The following NHERF4 variants were observed in gnomAD, a reference collection of about 807,000 sequenced individuals.
NHERF4 encodes the protein Na(+)/H(+) exchange regulatory cofactor NHE-RF4.
At chr11:119,189,580 A>T in the NHERF4 span, 1 of 1,462,170 alleles carries the variant, frequency 6.8e-7, no homozygotes, top group Non-Finnish European at 9.6e-7. This position sits in a 1 kb window ranked among gnomAD's most constrained non-coding sequence, Gnocchi z 5.8. Context: ...GCTCTCTCTA[A>T]GCCAGACCAG....
the NHERF4 span, chr11:119,189,310 A>G: frequency 1.0e-5 from 15 of 1,488,732 alleles, no homozygotes; most frequent in Admixed American, 1.8e-5. This position sits in a 1 kb window ranked among gnomAD's most constrained non-coding sequence, Gnocchi z 5.8. Context: ...CGTGTGGGGT[A>G]TGCAGGTTGG....
At chr11:119,186,278 T>C in the NHERF4 span, 15 of 1,610,048 alleles carry the variant, frequency 9.3e-6, no homozygotes, top group Non-Finnish European at 1.2e-5. This position sits in a 1 kb window ranked among gnomAD's most constrained non-coding sequence, Gnocchi z 4.4. Flanking sequence ...ATAACAGCCT[T>C]GGTTGGGAGT....
At chr11:119,189,625 A>G in the NHERF4 span, 2 of 1,045,392 alleles carry the variant, frequency 1.9e-6, no homozygotes, top group South Asian at 1.3e-5. The surrounding 1 kb of genome is among the most constrained non-coding windows in gnomAD (Gnocchi z 5.8). Flanking sequence ...AGGCTGGCCC[A>G]GGTGCTCCCT....
chr11:119,187,626 C>T, the NHERF4 span: 7 of 1,570,352 alleles, frequency 4.5e-6, no homozygotes, highest in Admixed American at 3.8e-5. Context: ...GGCAGGGGTG[C>T]CCCCCGGGGC....
the NHERF4 span, chr11:119,190,191 T>C: frequency 9.1e-7 from 1 of 1,098,084 alleles, no homozygotes; most frequent in African/African-American, 1.6e-5. The surrounding 1 kb of genome is among the most constrained non-coding windows in gnomAD (Gnocchi z 4.2). Context: ...GAAAACTAAA[T>C]AAAAATAAAA....
the NHERF4 span, chr11:119,188,103 G>C: frequency 1.9e-6 from 3 of 1,549,776 alleles, no homozygotes; most frequent in South Asian, 2.4e-5. Context: ...CAGGGTTTTG[G>C]GTTCCTGCTC....
chr11:119,189,130 G>C, the NHERF4 span: 1 of 1,613,982 alleles, frequency 6.2e-7, no homozygotes, highest in South Asian at 1.1e-5. The surrounding 1 kb of genome is among the most constrained non-coding windows in gnomAD (Gnocchi z 5.8). Context: ...CTGAGGCTGA[G>C]CCACCCCTCT....
At chr11:119,189,709 G>T in the NHERF4 span, 1 of 597,426 alleles carries the variant, frequency 1.7e-6, no homozygotes, top group South Asian at 1.9e-5. This position sits in a 1 kb window ranked among gnomAD's most constrained non-coding sequence, Gnocchi z 5.8. Context: ...GGAGTCTGAG[G>T]CTCCAGAGGA....
At chr11:119,187,845 C>A in the NHERF4 span, 1 of 1,465,982 alleles carries the variant, frequency 6.8e-7, no homozygotes, top group Non-Finnish European at 9.0e-7. Context: ...TTGTGCCAGG[C>A]TCCACTTAGT....
the NHERF4 span, chr11:119,186,082 C>T: frequency 6.2e-7 from 1 of 1,610,676 alleles, no homozygotes; most frequent in South Asian, 1.1e-5. This position sits in a 1 kb window ranked among gnomAD's most constrained non-coding sequence, Gnocchi z 4.4. Context: ...CTTCCCCTGC[C>T]TCCTTGCAGG....
chr11:119,188,952 G>C, the NHERF4 span: 1 of 1,612,996 alleles, frequency 6.2e-7, no homozygotes, highest in South Asian at 1.1e-5. Context: ...AGAGCCTAAA[G>C]CCAGCAAACT....
At chr11:119,185,869 A>G in the NHERF4 span, 1 of 1,611,982 alleles carries the variant, frequency 6.2e-7, no homozygotes, top group Middle Eastern at 1.7e-4. Flanking sequence ...TGGAAGAGGC[A>G]CATCTGGGGA....
chr11:119,186,658 A>G, the NHERF4 span: 2 of 1,610,324 alleles, frequency 1.2e-6, no homozygotes, highest in South Asian at 2.2e-5. The surrounding 1 kb of genome is among the most constrained non-coding windows in gnomAD (Gnocchi z 4.4). Context: ...GGCGGTGAAC[A>G]ATGATGTTGT....
chr11:119,185,909 C>G, the NHERF4 span: 3 of 1,614,136 alleles, frequency 1.9e-6, no homozygotes, highest in African/African-American at 2.7e-5. Flanking sequence ...CTCTCACCCA[C>G]TTCTTTGCCC....
the NHERF4 span, chr11:119,186,098 TAA>T: frequency 6.2e-7 from 1 of 1,611,770 alleles, no homozygotes; most frequent in East Asian, 2.2e-5. This position sits in a 1 kb window ranked among gnomAD's most constrained non-coding sequence, Gnocchi z 4.4. Flanking sequence ...GCAGGAAGTT[TAA>T]GTTTAACCCA....
At chr11:119,185,496 T>C in the NHERF4 span, 3 of 1,614,012 alleles carry the variant, frequency 1.9e-6, no homozygotes, top group Non-Finnish European at 2.5e-6. Flanking sequence ...GATCCAGCTA[T>C]GGAGAAAGCC....
At chr11:119,188,134 C>G in the NHERF4 span, 1 of 1,542,340 alleles carries the variant, frequency 6.5e-7, no homozygotes, top group Non-Finnish European at 8.8e-7. Context: ...AGGGCCTTGA[C>G]GGTCGCCCTG....
At chr11:119,189,313 C>G in the NHERF4 span, 1 of 1,474,840 alleles carries the variant, frequency 6.8e-7, no homozygotes, top group Non-Finnish European at 9.4e-7. This position sits in a 1 kb window ranked among gnomAD's most constrained non-coding sequence, Gnocchi z 5.8. Flanking sequence ...GTGGGGTATG[C>G]AGGTTGGGAC....
At chr11:119,186,340 A>G in the NHERF4 span, 1 of 1,561,924 alleles carries the variant, frequency 6.4e-7, no homozygotes, top group Non-Finnish European at 8.8e-7. This position sits in a 1 kb window ranked among gnomAD's most constrained non-coding sequence, Gnocchi z 4.4. Context: ...TCTGCCCACG[A>G]ACCCCACCAC....
Sources: gnomAD v4.1 joint callset for allele counts on GRCh38, gnomAD v4.1.1 for gene constraint, Gnocchi (gnomAD v3.1) non-coding constraint, MANE v1.5 for transcripts, NCBI Gene and HGNC (gene_info 2026-07-23, HGNC 2026-07-21) for gene names.